KCNQ1: variants seen among roughly 807,000 people sequenced by gnomAD.
KCNQ1 encodes potassium voltage-gated channel subfamily Q member 1.
KCNQ1 carries 49 observed loss-of-function variants against 72.4 expected under a neutral mutation model. The ratio of observed to expected loss-of-function variants is 0.68; its 90% CI spans 0.54 to 0.86. The LOEUF (loss-of-function observed/expected upper bound fraction) is 0.86, where lower values mean the gene tolerates loss of function less well. Ranked by LOEUF, KCNQ1 falls within the 40% of genes least tolerant of loss-of-function variation. The pLI, the probability that KCNQ1 is intolerant of heterozygous loss-of-function variation, is 0.00. For synonymous variants in KCNQ1, 450 were observed against 412.6 expected (o/e 1.09, Z -1.10); for missense variants, 790 against 945.1 (o/e 0.84, Z 2.15).
At chr11:2,797,451 G>A (rs1281437854) in intron 15 of KCNQ1, among the ~76,000 whole-genome samples, 1 of 152,188 alleles carries the variant, frequency 6.6e-6, no homozygotes, top group Non-Finnish European at 1.5e-5. Flanking sequence ...TGTCATCAAG[G>A]TCGGGCTGGG....
intron 1 of KCNQ1, among the ~76,000 whole-genome samples, chr11:2,527,688 C>T (rs1338531508): frequency 2.0e-5 from 3 of 152,260 alleles, no homozygotes; most frequent in African/African-American, 7.2e-5. Context: ...CGCCATGTTT[C>T]TCGGACCCAT....
At chr11:2,763,220 C>T (rs541336764) in intron 11 of KCNQ1, among the ~76,000 whole-genome samples, 1 of 152,234 alleles carries the variant, frequency 6.6e-6, no homozygotes, top group African/African-American at 2.4e-5. Context: ...TTATCTGTCT[C>T]TCCAATGCTC....
At position 2,468,993 on chromosome 11, in the gene KCNQ1, C is replaced by T. The variant is rs964092310; in HGVS notation, c.386+23509C>T. The stretch of plus-strand genomic sequence containing the variant: ...TTCACTTTCTAGGACACTGACAAAC[C>T]GTTTTCTAAAGCAGCAATCCCCTTT... On this transcript the variant is annotated intron_variant, in intron 1 of 15. Coordinates refer to ENST00000155840, the MANE Select transcript of KCNQ1 (RefSeq NM_000218.3). The surrounding 1 kb of genome is among the most constrained non-coding windows in gnomAD (Gnocchi z 5.7). Among the ~76,000 whole-genome samples the T allele has an allele frequency of 1.3e-5, 2 of 152,160 alleles. No homozygotes were observed. The highest frequency in any genetic ancestry group is 4.8e-5 in the African/African-American group (2 of 41,434).
chr11:2,695,207 G>T lies in KCNQ1; in HGVS notation c.1514+33126G>T, dbSNP rs1191286267. 6 of 398,522 alleles carry T rather than the reference G, an allele frequency of 1.5e-5. No homozygotes were observed. Among genetic ancestry groups the T allele is most frequent in the Non-Finnish European group, 2.7e-5 (6 of 226,112 alleles). 24.7% of individuals were successfully genotyped at this position (398,522 alleles called of 1,614,324 possible). A position where few individuals can be genotyped will look rare whatever the true frequency, so the allele number is the denominator to read the frequency against. ...TCAGCCTATGAAACACTGTCACCCT[G>T]TAAGGGTCTGCATAAAGTCACCGCT... On this transcript the variant is annotated intron_variant, in intron 11 of 15. Coordinates refer to ENST00000155840, the MANE Select transcript of KCNQ1 (RefSeq NM_000218.3). The surrounding 1 kb of genome is among the most constrained non-coding windows in gnomAD (Gnocchi z 5.2).
Position 2,691,060 on chromosome 11 carries a change from A to G in KCNQ1, c.1514+28979A>G. 1 of 398,672 alleles carries G rather than the reference A, an allele frequency of 2.5e-6. No individual in the cohort carries two copies. Among genetic ancestry groups the G allele is most frequent in the Non-Finnish European group, 4.4e-6 (1 of 226,076 alleles). The allele number at this position is 398,672 out of a possible 1,614,324, so 24.7% of individuals were successfully genotyped here. ...CAGGATATGCTGGGTGAGGGAAATA[A>G]TGGAGGCACCTTTGTTCTAGATGCC... On this transcript the variant is annotated intron_variant, in intron 11 of 15. Transcript: ENST00000155840. This position sits in a 1 kb window ranked among gnomAD's most constrained non-coding sequence, Gnocchi z 6.4.
chr11:2,805,719 G>GACGCAAGAT (rs1450084239), intron 15 of KCNQ1, among the ~76,000 whole-genome samples: 1 of 152,198 alleles, frequency 6.6e-6, no homozygotes, highest in Non-Finnish European at 1.5e-5. Context: ...TCAGTGAAGA[G>GACGCAAGAT]ACGCAAGATG....
At chr11:2,730,830 A>G (rs999832663) in intron 11 of KCNQ1, among the ~76,000 whole-genome samples, 1 of 152,230 alleles carries the variant, frequency 6.6e-6, no homozygotes, top group African/African-American at 2.4e-5. Context: ...GATGGGGGAC[A>G]GACGCTGGAG....
At chr11:2,546,161 T>A (rs1000654537) in intron 2 of KCNQ1, among the ~76,000 whole-genome samples, 11 of 152,184 alleles carry the variant, frequency 7.2e-5, no homozygotes. Flanking sequence ...TGTTTTTTTA[T>A]CCCATTTAAA....
At chr11:2,511,927 G>C (rs1216571320) in intron 1 of KCNQ1, among the ~76,000 whole-genome samples, 1 of 152,222 alleles carries the variant, frequency 6.6e-6, no homozygotes, top group Non-Finnish European at 1.5e-5. Flanking sequence ...GGAGGGCACA[G>C]GTCAGAGCGG....
rs2133720579 is a variant in KCNQ1 at position 2,567,114 on chromosome 11, C to T, written c.478-3514C>T. Among the ~76,000 whole-genome samples, 1 of 152,178 alleles carries T rather than the reference C, an allele frequency of 6.6e-6. No homozygotes were observed. Among genetic ancestry groups the T allele is most frequent in the East Asian group, 1.9e-4 (1 of 5,176 alleles). On this transcript the variant is annotated intron_variant, in intron 2 of 15. Coordinates refer to ENST00000155840, the MANE Select transcript of KCNQ1 (RefSeq NM_000218.3). This position sits in a 1 kb window ranked among gnomAD's most constrained non-coding sequence, Gnocchi z 6.6. ...CGGTGAGCCCCTGGGAAGGAGGCCT[C>T]AGGGACAGCCCTAGACTGTCACCCT...
At position 2,473,801 on chromosome 11, in the gene KCNQ1, C is replaced by T. The variant is rs1004180760; in HGVS notation, c.386+28317C>T. The stretch of plus-strand genomic sequence containing the variant: ...TCTGCACAGGTAGGGCCATGGGGCC[C>T]GCTGGCCAGGGTGGCCATTGCTCAG... On this transcript the variant is annotated intron_variant, in intron 1 of 15. Coordinates refer to ENST00000155840, the MANE Select transcript of KCNQ1 (RefSeq NM_000218.3). This position sits in a 1 kb window ranked among gnomAD's most constrained non-coding sequence, Gnocchi z 6.0. 4.6e-5 allele frequency among the ~76,000 whole-genome samples: 7 copies of T among 152,352 alleles called. No homozygotes were observed. Among genetic ancestry groups the T allele is most frequent in the East Asian group, 3.9e-4 (2 of 5,180 alleles).
At chr11:2,499,616 G>T (rs779241380) in intron 1 of KCNQ1, among the ~76,000 whole-genome samples, 6 of 150,726 alleles carry the variant, frequency 4.0e-5, no homozygotes, top group Non-Finnish European at 8.9e-5. Context: ...TTAAGGGCTT[G>T]AAAAAAGATA....
chr11:2,612,404 T>C lies in KCNQ1; in HGVS notation c.1393+23550T>C, dbSNP rs1848995690. The stretch of plus-strand genomic sequence containing the variant: ...AAGGTTGGGGACCACTATATTATGG[T>C]ATCCAATGGGTATCTCTTCATTTTT... On this transcript the variant is annotated intron_variant, in intron 10 of 15. Transcript: ENST00000155840. The surrounding 1 kb of genome is among the most constrained non-coding windows in gnomAD (Gnocchi z 5.5). 5.0e-6 allele frequency: 2 copies of C among 398,526 alleles called. No homozygotes were observed. Among genetic ancestry groups the C allele is most frequent in the Admixed American group, 4.4e-5 (1 of 22,722 alleles). 24.7% of individuals were successfully genotyped at this position (398,526 alleles called of 1,614,324 possible). A position where few individuals can be genotyped will look rare whatever the true frequency, so the allele number is the denominator to read the frequency against.
chr11:2,459,073 C>T (rs1179253947), intron 1 of KCNQ1, among the ~76,000 whole-genome samples: 1 of 152,206 alleles, frequency 6.6e-6, no homozygotes, highest in Non-Finnish European at 1.5e-5. Context: ...GAATGGCTTC[C>T]TTCCTTCCCA....
chr11:2,811,812 C>T (rs369232136), intron 15 of KCNQ1, among the ~76,000 whole-genome samples: 3 of 152,294 alleles, frequency 2.0e-5, no homozygotes, highest in East Asian at 3.9e-4. Context: ...GAGGGGCCGG[C>T]GAAAGCCAGG....
At chr11:2,753,723 G>A (rs1846259870) in intron 11 of KCNQ1, among the ~76,000 whole-genome samples, 1 of 152,208 alleles carries the variant, frequency 6.6e-6, no homozygotes, top group Admixed American at 6.5e-5. Context: ...GATGGCTTGT[G>A]ACTGCTGCAC....
intron 1 of KCNQ1, among the ~76,000 whole-genome samples, chr11:2,506,451 C>G (rs955140038): frequency 6.6e-5 from 10 of 152,208 alleles, no homozygotes; most frequent in Non-Finnish European, 1.5e-5. Context: ...CAAACCCTCT[C>G]CTATTTATGG....
chr11:2,611,361 A>C lies in KCNQ1; in HGVS notation c.1393+22507A>C, dbSNP rs1036532974. 1 of 397,562 alleles carries C rather than the reference A, an allele frequency of 2.5e-6. No homozygotes were observed. Among genetic ancestry groups the C allele is most frequent in the Non-Finnish European group, 4.4e-6 (1 of 225,980 alleles). 24.6% of individuals were successfully genotyped at this position (397,562 alleles called of 1,614,324 possible). On this transcript the variant is annotated intron_variant, in intron 10 of 15. Transcript: ENST00000155840. The surrounding 1 kb of genome is among the most constrained non-coding windows in gnomAD (Gnocchi z 5.3). Reference sequence around the variant, plus strand: ...CAGCATCCCAAGTAGCTGGGACTACAGGCATTTGCCACCATACCCAGCTAA... The same window carrying C: ...CAGCATCCCAAGTAGCTGGGACTACCGGCATTTGCCACCATACCCAGCTAA...
chr11:2,719,495 AC>A (rs1725772557), intron 11 of KCNQ1, among the ~76,000 whole-genome samples: 3 of 151,578 alleles, frequency 2.0e-5, no homozygotes, highest in South Asian at 2.1e-4. Context: ...AAACAAACAA[AC>A]AAACAAAAAA....
Sources: allele counts gnomAD v4.1 joint callset (sites outside exome capture counted in the v4.1 genomes callset), GRCh38; gene constraint gnomAD v4.1.1; non-coding constraint Gnocchi (gnomAD v3.1); transcripts MANE v1.5; gene names NCBI Gene and HGNC (gene_info 2026-07-23, HGNC 2026-07-21).